The following SOCS7 variants were observed in gnomAD, a reference collection of about 807,000 sequenced individuals.
SOCS7 encodes the protein suppressor of cytokine signaling 7, also known as NAP-4.
Under a neutral mutation model 58.9 loss-of-function variants are expected in SOCS7, and 18 were observed. That is an observed-to-expected ratio of 0.31 (90% CI 0.21 to 0.45). The LOEUF (loss-of-function observed/expected upper bound fraction) is 0.45. Among genes scored for constraint, SOCS7 ranks in the 20% least tolerant of loss-of-function variants. The pLI, the probability that SOCS7 is intolerant of heterozygous loss-of-function variation, is 1.00. For synonymous variants in SOCS7, 388 were observed against 364.3 expected (o/e 1.06, Z -0.74); for missense variants, 667 against 837.3 (o/e 0.80, Z 2.51).
chr17:38,355,947 G>A (rs2037631260), intron 1 of SOCS7, among the ~76,000 whole-genome samples: 1 of 152,064 alleles, frequency 6.6e-6, no homozygotes, highest in South Asian at 2.1e-4. Flanking sequence ...GCAGTGGTGC[G>A]ATCTTGGCTT....
At chr17:38,364,968 A>G in intron 3 of SOCS7, 112 bp downstream of exon 3, 1 of 758,556 alleles carries the variant, frequency 1.3e-6, no homozygotes, top group Non-Finnish European at 2.2e-6. Flanking sequence ...TGACTCAATT[A>G]TTTCCCAGCT....
rs2038082164 is a variant in SOCS7 at position 38,387,117 on chromosome 17, A to ATATGTGTGTG, written c.1682-8189_1682-8188insGTGTGTGTAT. On this transcript the variant is annotated intron_variant, in intron 7 of 9. Transcript: ENST00000612932. ...AAAAAAAAAAAATATATATATATATATATATATATATGTATGTATATATAT... is the reference window on the plus strand; with the variant it reads ...AAAAAAAAAAAATATATATATATATATATGTGTGTGTATATATATATGTATGTATATATAT... Among the ~76,000 whole-genome samples, 8 of 105,636 alleles carry ATATGTGTGTG rather than the reference A, an allele frequency of 7.6e-5. No homozygotes were observed. The East Asian group carries it at 1.7e-3, about 22-fold the overall frequency. 69.3% of individuals were successfully genotyped at this position (105,636 alleles called of 152,430 possible). A position where few individuals can be genotyped will look rare whatever the true frequency, so the allele number is the denominator to read the frequency against.
intron 9 of SOCS7, among the ~76,000 whole-genome samples, chr17:38,398,347 A>G (rs181473605): frequency 1.3e-3 from 197 of 151,378 alleles, no homozygotes; most frequent in African/African-American, 4.4e-3. Context: ...GGTTCAAGCA[A>G]TTCTCCCACC....
chr17:38,398,241 C>CTTT (rs990311481), intron 9 of SOCS7, among the ~76,000 whole-genome samples: 6 of 129,392 alleles, frequency 4.6e-5, no homozygotes, highest in African/African-American at 5.7e-5. Context: ...AGGGAAAGGT[C>CTTT]TTTTTTTTTT....
chr17:38,364,277 T>C (rs1366101378), intron 2 of SOCS7, among the ~76,000 whole-genome samples: 2 of 152,146 alleles, frequency 1.3e-5, no homozygotes, highest in Non-Finnish European at 2.9e-5. Flanking sequence ...AAGTTAGGAC[T>C]AACATTGGGA....
At chr17:38,355,307 G>A (rs1254735391) in intron 1 of SOCS7, among the ~76,000 whole-genome samples, 1 of 152,192 alleles carries the variant, frequency 6.6e-6, no homozygotes, top group Non-Finnish European at 1.5e-5. Context: ...GTTGAGAAGA[G>A]AAATCTAGAT....
At position 38,368,061 on chromosome 17, in the gene SOCS7, C is replaced by T; in HGVS notation, c.1552+11C>T. On this transcript the variant is annotated intron_variant, in intron 6 of 9. Coordinates refer to ENST00000612932, the MANE Select transcript of SOCS7 (RefSeq NM_014598.4). ...TGGAGCACTACAGAGGTAAGAGATA[C>T]TGGTAAGAGAGGCTTCTTCCCCCCT... 1.3e-6 allele frequency: 2 copies of T among 1,582,712 alleles called. No homozygotes were observed. Among genetic ancestry groups the T allele is most frequent in the Non-Finnish European group, 1.7e-6 (2 of 1,160,008 alleles).
chr17:38,366,541 C>T (rs2037792703), intron 5 of SOCS7, 124 bp downstream of exon 5: 3 of 1,208,482 alleles, frequency 2.5e-6, no homozygotes. Flanking sequence ...GTTGCCCAGG[C>T]TAGGGTGTGG....
chr17:38,386,362 C>T (rs1039644841), intron 7 of SOCS7, among the ~76,000 whole-genome samples: 9 of 147,910 alleles, frequency 6.1e-5, no homozygotes, highest in African/African-American at 2.3e-4. Flanking sequence ...GCCAGGTGGC[C>T]GAGGCAGGGT....
At chr17:38,359,267 G>A (rs28378264) in intron 1 of SOCS7, among the ~76,000 whole-genome samples, 24 of 152,278 alleles carry the variant, frequency 1.6e-4, no homozygotes, top group Admixed American at 4.6e-4. Context: ...TTTTATGAGC[G>A]GAGAAACTGT....
In SOCS7 at chr17:38,404,944, A is replaced by T. The variant is rs901413601; in HGVS notation, c.*5462A>T. 6.6e-6 allele frequency: 1 copy of T among 152,108 alleles called. No homozygotes were observed. The highest frequency in any genetic ancestry group is 2.4e-5 in the African/African-American group (1 of 41,410). The allele number at this position is 152,108 out of a possible 1,614,324, so 9.4% of individuals were successfully genotyped here. A position where few individuals can be genotyped will look rare whatever the true frequency, so the allele number is the denominator to read the frequency against. ...TTTTTGGTTGTTTTTAAGAAACTCG[A>T]TGAAGAGGGGTGTCATTCTGGGCTC... is the stretch of plus-strand genomic sequence containing the variant. On this transcript the variant is annotated 3_prime_UTR_variant, in exon 10 of 10. Transcript: ENST00000612932.
chr17:38,383,619 G>A (rs553858176), intron 7 of SOCS7, among the ~76,000 whole-genome samples: 1 of 152,096 alleles, frequency 6.6e-6, no homozygotes, highest in African/African-American at 2.4e-5. Context: ...GTGCAGTGGC[G>A]CAATCTCGGC....
At chr17:38,375,064 C>T (rs1159692177) in intron 6 of SOCS7, among the ~76,000 whole-genome samples, 1 of 152,142 alleles carries the variant, frequency 6.6e-6, no homozygotes, top group Non-Finnish European at 1.5e-5. Flanking sequence ...CAAGACCAGC[C>T]TGGGCTGGTA....
intron 1 of SOCS7, among the ~76,000 whole-genome samples, chr17:38,356,025 A>G (rs903238771): frequency 3.9e-5 from 6 of 152,068 alleles, no homozygotes; most frequent in African/African-American, 1.2e-4. Context: ...CTGGGATTAC[A>G]GGGGCCCACC....
intron 1 of SOCS7, 126 bp downstream of exon 1, chr17:38,353,158 C>T (rs767968593): frequency 1.1e-6 from 1 of 893,760 alleles, no homozygotes; most frequent in Admixed American, 2.9e-5. Flanking sequence ...AGACTTGGGA[C>T]CAAAGGTGGT....
intron 2 of SOCS7, 80 bp from the exon 3 acceptor site, chr17:38,364,664 CGCCTGCTT>C (rs2144331535): frequency 1.9e-6 from 2 of 1,059,884 alleles, no homozygotes; most frequent in East Asian, 4.7e-5. Context: ...CCCCCAGCCT[CGCCTGCTT>C]GCCCTTTGCT....
chr17:38,393,400 G>A (rs2038201994), intron 7 of SOCS7, among the ~76,000 whole-genome samples: 1 of 152,184 alleles, frequency 6.6e-6, no homozygotes, highest in Non-Finnish European at 1.5e-5. Context: ...ACTTTGGGAG[G>A]CTGAGGCAGG....
intron 1 of SOCS7, among the ~76,000 whole-genome samples, chr17:38,355,937 G>A (rs587622744): frequency 6.6e-6 from 1 of 152,256 alleles, no homozygotes; most frequent in African/African-American, 2.4e-5. Context: ...AGGCTGGAGT[G>A]CAGTGGTGCG....
At chr17:38,391,242 G>C (rs917360297) in intron 7 of SOCS7, among the ~76,000 whole-genome samples, 1 of 152,030 alleles carries the variant, frequency 6.6e-6, no homozygotes, top group South Asian at 2.1e-4. Context: ...TGGTAAAAAG[G>C]TCAAATAGTG....
Sources: allele counts gnomAD v4.1 joint callset (sites outside exome capture counted in the v4.1 genomes callset), GRCh38; gene constraint gnomAD v4.1.1; transcripts MANE v1.5; gene names NCBI Gene and HGNC (gene_info 2026-07-23, HGNC 2026-07-21).